The following RAB27B variants were observed in gnomAD, a reference collection of about 807,000 sequenced individuals.
RAB27B encodes the protein RAB27B, member RAS oncogene family.
A neutral mutation model predicts 24.6 loss-of-function variants in RAB27B; 15 were observed. That is an observed-to-expected ratio of 0.61 (90% CI 0.41 to 0.94). RAB27B has a LOEUF of 0.94. RAB27B is among the 40% of genes least tolerant of loss of function. The probability of loss-of-function intolerance (pLI) is 0.00; values close to 1 mark genes in which losing one functional copy is unlikely to be tolerated. For synonymous variants in RAB27B, 105 were observed against 92.5 expected, an observed-to-expected ratio of 1.14 and a Z score of -0.78; for missense variants, 261 against 266.8, an observed-to-expected ratio of 0.98 and a Z score of 0.15.
At chr18:54,806,060 T>C (rs557617672) in intron 2 of RAB27B, among the ~76,000 whole-genome samples, 80 of 152,294 alleles carry the variant, frequency 5.3e-4, no homozygotes, top group Non-Finnish European at 1.0e-3. Context: ...AATGATATAC[T>C]TAGTCCATTT....
chr18:54,772,992 C>G (rs73960618), intron 2 of RAB27B, among the ~76,000 whole-genome samples: 6,654 of 152,132 alleles, frequency 0.044, 211 homozygotes, highest in Admixed American at 0.082. Flanking sequence ...CATGCACTTT[C>G]AAATCCACTG....
At chr18:54,829,359 T>G (rs1313380980) in intron 1 of RAB27B, among the ~76,000 whole-genome samples, 3 of 152,226 alleles carry the variant, frequency 2.0e-5, no homozygotes, top group African/African-American at 7.2e-5. Context: ...GTAGGTGAAC[T>G]GTAAGCAGAG....
chr18:54,823,863 A>G (rs1350674933), upstream of RAB27B, among the ~76,000 whole-genome samples: 1 of 152,204 alleles, frequency 6.6e-6, no homozygotes. Flanking sequence ...TTATTAAGGT[A>G]ATACATCTCA....
intron 1 of RAB27B, among the ~76,000 whole-genome samples, chr18:54,867,860 A>C (rs997763972): frequency 6.6e-6 from 1 of 152,088 alleles, no homozygotes; most frequent in Non-Finnish European, 1.5e-5. Context: ...AGAAAATGAG[A>C]ACTTGCCTGC....
chr18:54,853,827 T>C (rs1911677423), intron 1 of RAB27B, among the ~76,000 whole-genome samples: 1 of 152,194 alleles, frequency 6.6e-6, no homozygotes, highest in Non-Finnish European at 1.5e-5. Flanking sequence ...GACCTTTCAT[T>C]ATCTCACATC....
At chr18:54,888,838 AT>A (rs1598999643) in intron 5 of RAB27B, among the ~76,000 whole-genome samples, 1 of 152,130 alleles carries the variant, frequency 6.6e-6, no homozygotes, top group African/African-American at 2.4e-5. Context: ...ATGCATACCT[AT>A]TTTTTAAAGG....
chr18:54,828,201 C>G (rs1361828764), upstream of RAB27B: 1 of 152,148 alleles, frequency 6.6e-6, no homozygotes, highest in African/African-American at 2.4e-5. Flanking sequence ...GTTCTCACAG[C>G]GCCCTGGGCT....
intron 1 of RAB27B, among the ~76,000 whole-genome samples, chr18:54,850,674 T>C (rs1911546704): frequency 6.6e-6 from 1 of 151,552 alleles, no homozygotes; most frequent in Admixed American, 6.6e-5. Context: ...CTTCAGAATG[T>C]ATTTTTTTGC....
At chr18:54,865,229 A>G (rs1015431141) in intron 1 of RAB27B, among the ~76,000 whole-genome samples, 1 of 123,252 alleles carries the variant, frequency 8.1e-6, no homozygotes, top group East Asian at 2.4e-4. Flanking sequence ...TTTTACTGCA[A>G]TGGCCTTTTG....
intron 2 of RAB27B, among the ~76,000 whole-genome samples, chr18:54,765,420 G>A (rs146382629): frequency 2.6e-5 from 4 of 152,274 alleles, no homozygotes; most frequent in Middle Eastern, 3.4e-3. Flanking sequence ...TATTGTTCGT[G>A]CTGTTCCCTA....
chr18:54,868,685 G>A (rs900136987), intron 1 of RAB27B, among the ~76,000 whole-genome samples: 39 of 152,002 alleles, frequency 2.6e-4, no homozygotes, highest in South Asian at 2.1e-4. Context: ...GTACAATGGC[G>A]TGATCTCAAC....
chr18:54,887,906 CA>C, intron 4 of RAB27B, 88 bp from the exon 5 acceptor site: 2 of 1,461,590 alleles, frequency 1.4e-6, no homozygotes, highest in South Asian at 2.7e-5. Flanking sequence ...TGGAGATAAG[CA>C]ATTAGATCAG....
chr18:54,785,606 G>A (rs561367746), intron 2 of RAB27B, among the ~76,000 whole-genome samples: 2 of 150,678 alleles, frequency 1.3e-5, no homozygotes, highest in Non-Finnish European at 2.9e-5. Context: ...GATTTATTTT[G>A]TTTATAACTG....
chr18:54,726,492 C>T lies in RAB27B; in HGVS notation c.-20+8351C>T, dbSNP rs534740067. Among the ~76,000 whole-genome samples the T allele has an allele frequency of 8.1e-4, 123 of 151,502 alleles. 2 individuals carry two copies. The highest frequency in any genetic ancestry group is 6.8e-4 in the Non-Finnish European group (46 of 67,784). On this transcript the variant is annotated intron_variant, in intron 2 of 4. Transcript: ENST00000586570. ...AACATCTATCACACAGACTCCATCACTGTTCTTCCTGTTCGCTAACATTCA... is the reference window on the plus strand; with the variant it reads ...AACATCTATCACACAGACTCCATCATTGTTCTTCCTGTTCGCTAACATTCA...
At chr18:54,740,369 T>G (rs1381136315) in intron 2 of RAB27B, among the ~76,000 whole-genome samples, 1 of 152,230 alleles carries the variant, frequency 6.6e-6, no homozygotes, top group Non-Finnish European at 1.5e-5. Context: ...GAGTCATTCT[T>G]GCAATCCTTA....
chr18:54,757,244 G>A (rs1331711878), intron 2 of RAB27B, among the ~76,000 whole-genome samples: 1 of 152,238 alleles, frequency 6.6e-6, no homozygotes, highest in East Asian at 1.9e-4. Context: ...GGGACCCTGG[G>A]AGCCCATGGA....
chr18:54,731,873 T>C (rs570746220), intron 2 of RAB27B, among the ~76,000 whole-genome samples: 1 of 152,344 alleles, frequency 6.6e-6, no homozygotes, highest in African/African-American at 2.4e-5. Context: ...TTTAACAGAA[T>C]CTTAGGACAT....
At chr18:54,737,895 C>A (rs771011816) in intron 2 of RAB27B, among the ~76,000 whole-genome samples, 2 of 152,094 alleles carry the variant, frequency 1.3e-5, no homozygotes. Context: ...AGGTTCAAAT[C>A]AGCCATAAAA....
intron 1 of RAB27B, among the ~76,000 whole-genome samples, chr18:54,870,567 G>A (rs1357161421): frequency 1.3e-5 from 2 of 152,064 alleles, no homozygotes; most frequent in African/African-American, 2.4e-5. Context: ...AAGACCTAAA[G>A]CTCTATTAAG....
Sources: allele counts gnomAD v4.1 joint callset (sites outside exome capture counted in the v4.1 genomes callset), GRCh38; gene constraint gnomAD v4.1.1; transcripts MANE v1.5; gene names NCBI Gene and HGNC (gene_info 2026-07-23, HGNC 2026-07-21).